Variants in GPAT3 observed in about 807,000 individuals in gnomAD.
GPAT3 encodes glycerol-3-phosphate acyltransferase 3.
A neutral mutation model predicts 58.8 loss-of-function variants in GPAT3; 53 were observed. The ratio of observed to expected loss-of-function variants is 0.90; its 90% CI spans 0.72 to 1.13. The LOEUF (loss-of-function observed/expected upper bound fraction) is 1.13, where lower values mean the gene tolerates loss of function less well. Ranked by LOEUF, GPAT3 falls within the 50% of genes most tolerant of loss-of-function variation. The probability of loss-of-function intolerance (pLI) is 0.00; values close to 1 mark genes in which losing one functional copy is unlikely to be tolerated. For synonymous variants in GPAT3, 197 were observed against 187.4 expected (o/e 1.05, Z -0.42); for missense variants, 511 against 527.6 (o/e 0.97, Z 0.31).
In GPAT3 at chr4:83,559,046, A is replaced by G. The variant is rs116187301; in HGVS notation, c.208+14444A>G. Among the ~76,000 whole-genome samples, 1,500 of 152,334 alleles carry G rather than the reference A, an allele frequency of 9.8e-3. 23 individuals are homozygous for G. The highest frequency in any genetic ancestry group is 0.035 in the African/African-American group (1,443 of 41,570). On this transcript the variant is annotated intron_variant, in intron 2 of 11. Transcript: ENST00000264409. ...TGTATATAAGAAAACACTTCTTGTT[A>G]GCAAAAAATGATTAGAAAACTGGAC...
Position 83,575,421 on chromosome 4 carries a change from TA to T in GPAT3, c.209-6140del, listed in dbSNP as rs1725774182. ...GACACCTAATTTTATTTTATTTATT[TA>T]TTTTTTTTGAGAGGGAGGCTTGCTC... On this transcript the variant is annotated intron_variant, in intron 2 of 11. Coordinates refer to ENST00000264409, the MANE Select transcript of GPAT3 (RefSeq NM_032717.5). 5.3e-5 allele frequency among the ~76,000 whole-genome samples: 8 copies of T among 152,196 alleles called. No individual in the cohort carries two copies. The South Asian group carries it at 1.7e-3, about 32-fold the overall frequency.
At chr4:83,603,024 C>T (rs781677365) in intron 11 of GPAT3, among the ~76,000 whole-genome samples, 4 of 152,142 alleles carry the variant, frequency 2.6e-5, no homozygotes, top group Non-Finnish European at 5.9e-5. Context: ...TGTCTCAAGC[C>T]GGTGTCTCTG....
At chr4:83,597,214 G>C (rs1024879986) in intron 8 of GPAT3, among the ~76,000 whole-genome samples, 2 of 152,174 alleles carry the variant, frequency 1.3e-5, no homozygotes, top group Non-Finnish European at 2.9e-5. Flanking sequence ...TAGGCCCATA[G>C]AGTGTTCAGT....
At chr4:83,571,053 T>G (rs936384945) in intron 2 of GPAT3, among the ~76,000 whole-genome samples, 1 of 152,232 alleles carries the variant, frequency 6.6e-6, no homozygotes, top group Non-Finnish European at 1.5e-5. Flanking sequence ...TTTACATAAA[T>G]GAAATCATAC....
chr4:83,583,495 C>A (rs1466555422), intron 3 of GPAT3, among the ~76,000 whole-genome samples: 1 of 151,208 alleles, frequency 6.6e-6, no homozygotes, highest in Admixed American at 6.6e-5. Context: ...TGGTGAAACC[C>A]CATCTCTACC....
chr4:83,544,474 T>G, intron 1 of GPAT3, 62 bp from the exon 2 acceptor site: 1 of 1,496,830 alleles, frequency 6.7e-7, no homozygotes, highest in Non-Finnish European at 9.3e-7. Flanking sequence ...ATAATCATGG[T>G]TGAAGTGTTT....
intron 2 of GPAT3, among the ~76,000 whole-genome samples, chr4:83,553,599 G>A (rs1250233024): frequency 3.3e-5 from 5 of 151,966 alleles, no homozygotes; most frequent in African/African-American, 4.8e-5. Flanking sequence ...TGAGAACTGA[G>A]ATTCAAAGAT....
rs1165660307 is a variant in GPAT3 at position 83,536,193 on chromosome 4, CG to C, written c.-426del. On this transcript the variant is annotated 5_prime_UTR_variant, in exon 1 of 12. Transcript: ENST00000264409. ...CGGTGCTCCCGCAGGGAACCTGGCT[CG>C]GGGAGGGCCTCCGTGAGTCATCTGC... The C allele has an allele frequency of 3.0e-6, 3 of 987,096 alleles. No homozygotes were observed. The highest frequency in any genetic ancestry group is 3.6e-6 in the Non-Finnish European group (3 of 831,190). The allele number at this position is 987,096 out of a possible 1,614,324, so 61.1% of individuals were successfully genotyped here.
chr4:83,542,824 C>A (rs1003465509), intron 1 of GPAT3, among the ~76,000 whole-genome samples: 4 of 151,896 alleles, frequency 2.6e-5, no homozygotes, highest in African/African-American at 9.7e-5. Flanking sequence ...ATAGTGAAAC[C>A]CCATCTCTAC....
At chr4:83,591,816 C>T (rs1015363505) in intron 6 of GPAT3, among the ~76,000 whole-genome samples, 1 of 152,150 alleles carries the variant, frequency 6.6e-6, no homozygotes, top group Non-Finnish European at 1.5e-5. Context: ...TTTTGTGCTG[C>T]TACAACAGAA....
intron 1 of GPAT3, among the ~76,000 whole-genome samples, chr4:83,539,651 T>C (rs563826654): frequency 6.6e-6 from 1 of 152,318 alleles, no homozygotes; most frequent in African/African-American, 2.4e-5. Context: ...CCTACTTCTA[T>C]TTTCTTCTGC....
chr4:83,558,570 G>A (rs544928660), intron 2 of GPAT3, among the ~76,000 whole-genome samples: 5 of 152,300 alleles, frequency 3.3e-5, no homozygotes, highest in African/African-American at 9.6e-5. Context: ...GTGTTGAAGC[G>A]GCCATGTGGA....
Position 83,601,686 on chromosome 4 carries a change from C to T in GPAT3, c.1205+2963C>T, listed in dbSNP as rs992671556. On this transcript the variant is annotated intron_variant, in intron 11 of 11. Coordinates refer to ENST00000264409, the MANE Select transcript of GPAT3 (RefSeq NM_032717.5). ...CTGAGAATCCTTGAACCTAGGAGGT[C>T]GAGGCTGCAGTTAGCTGAGATCGTG... Among the ~76,000 whole-genome samples, 4 of 152,348 alleles carry T rather than the reference C, an allele frequency of 2.6e-5. No individual in the cohort carries two copies. In the East Asian group the frequency reaches 7.7e-4, roughly 29 times the overall value.
At chr4:83,563,134 A>G (rs1406385571) in intron 2 of GPAT3, among the ~76,000 whole-genome samples, 1 of 152,224 alleles carries the variant, frequency 6.6e-6, no homozygotes, top group African/African-American at 2.4e-5. Flanking sequence ...AATTCTGAGG[A>G]CATGCTGAAC....
chr4:83,587,239 C>T lies in GPAT3; in HGVS notation c.480-16C>T, dbSNP rs780608510. 1 of 1,610,318 alleles carries T rather than the reference C, an allele frequency of 6.2e-7. No homozygotes were observed. Among genetic ancestry groups the T allele is most frequent in the South Asian group, 1.1e-5 (1 of 90,654 alleles). ...ATGTGTCAAAATCTTATATGGCCCT[C>T]TCTTTTCTTTTTCAGGGTTACCTTG... On this transcript the variant is annotated splice_polypyrimidine_tract_variant and intron_variant, in intron 3 of 11. Coordinates refer to ENST00000264409, the MANE Select transcript of GPAT3 (RefSeq NM_032717.5).
chr4:83,547,469 G>C (rs957202661), intron 2 of GPAT3, among the ~76,000 whole-genome samples: 34 of 151,534 alleles, frequency 2.2e-4, no homozygotes, highest in Non-Finnish European at 4.0e-4. Context: ...AGCCAGGATG[G>C]TCTCGATCTC....
Position 83,562,226 on chromosome 4 carries a change from AT to A in GPAT3, c.208+17625del, listed in dbSNP as rs1560611211. On this transcript the variant is annotated intron_variant, in intron 2 of 11. Coordinates refer to ENST00000264409, the MANE Select transcript of GPAT3 (RefSeq NM_032717.5). ...TATATATATATTATATATATATATA[AT>A]ATATATATAATATATATATATAAAA... Among the ~76,000 whole-genome samples the A allele has an allele frequency of 1.7e-3, 106 of 62,514 alleles. 3 individuals are homozygous for A. The highest frequency in any genetic ancestry group is 6.5e-3 in the African/African-American group (99 of 15,298). 41.0% of individuals were successfully genotyped at this position (62,514 alleles called of 152,430 possible).
At chr4:83,543,889 C>T (rs1724403124) in intron 1 of GPAT3, among the ~76,000 whole-genome samples, 1 of 152,168 alleles carries the variant, frequency 6.6e-6, no homozygotes, top group Non-Finnish European at 1.5e-5. Flanking sequence ...GATCCACCCT[C>T]CTCGGCCTCC....
chr4:83,602,112 C>CGTGCA (rs1372728727), intron 11 of GPAT3, among the ~76,000 whole-genome samples: 2 of 152,186 alleles, frequency 1.3e-5, no homozygotes, highest in East Asian at 3.9e-4. Context: ...CATGGTCATA[C>CGTGCA]GTGCAACTGG....
Sources: gnomAD v4.1 joint callset for allele counts (sites outside exome capture counted in the v4.1 genomes callset) on GRCh38, gnomAD v4.1.1 for gene constraint, MANE v1.5 for transcripts, NCBI Gene and HGNC (gene_info 2026-07-23, HGNC 2026-07-21) for gene names.